The following GRIA4 variants were observed in gnomAD, a reference collection of about 807,000 sequenced individuals.
GRIA4 encodes glutamate receptor 4.
In GRIA4, 34 loss-of-function variants were observed where a neutral mutation model predicts 104.0. That is an observed-to-expected ratio of 0.33 (90% CI 0.25 to 0.44). The LOEUF (loss-of-function observed/expected upper bound fraction) is 0.44. Among genes scored for constraint, GRIA4 ranks in the 20% least tolerant of loss-of-function variants. The pLI is 1.00. For missense variants in GRIA4, 750 were observed against 1,096.5 expected (o/e 0.68, Z 4.46); for synonymous variants, 386 against 381.9 (o/e 1.01, Z -0.13).
At chr11:105,804,800 T>A (rs974020304) in intron 4 of GRIA4, among the ~76,000 whole-genome samples, 1 of 152,016 alleles carries the variant, frequency 6.6e-6, no homozygotes, top group Non-Finnish European at 1.5e-5. Context: ...AAACTATTTC[T>A]GTATGAAAGC....
chr11:105,878,326 GCTCTC>G (rs1376195420), intron 5 of GRIA4, among the ~76,000 whole-genome samples: 1 of 152,178 alleles, frequency 6.6e-6, no homozygotes, highest in Non-Finnish European at 1.5e-5. Context: ...GCCAACTGGA[GCTCTC>G]CTGTATGAGG....
At chr11:105,620,693 A>C (rs1189550561) in intron 3 of GRIA4, among the ~76,000 whole-genome samples, 2 of 151,860 alleles carry the variant, frequency 1.3e-5, no homozygotes, top group African/African-American at 4.8e-5. Flanking sequence ...TTATATTGCC[A>C]AATTCATGTC....
intron 4 of GRIA4, among the ~76,000 whole-genome samples, chr11:105,787,892 T>A (rs1217880227): frequency 6.6e-6 from 1 of 152,142 alleles, no homozygotes; most frequent in East Asian, 1.9e-4. Flanking sequence ...TTTGTTTTAT[T>A]AGCATTACTA....
rs111858372 is a variant in GRIA4 at position 105,949,322 on chromosome 11, G to A, written c.2294+15353G>A. 6.5e-3 allele frequency among the ~76,000 whole-genome samples: 988 copies of A among 152,210 alleles called. 9 individuals are homozygous for A. The highest frequency in any genetic ancestry group is 0.022 in the African/African-American group (923 of 41,526). ...TGCCTTAGTTGAAGGATTCCCTTTC[G>A]TTTGCCCAGAACACTATTCTTTTAT... On this transcript the variant is annotated intron_variant, in intron 14 of 16. Transcript: ENST00000282499.
intron 14 of GRIA4, among the ~76,000 whole-genome samples, chr11:105,962,593 G>A (rs969298755): frequency 9.9e-5 from 15 of 152,146 alleles, no homozygotes; most frequent in African/African-American, 3.1e-4. Flanking sequence ...TTCTAGGCCC[G>A]AATCAAATTC....
chr11:105,750,841 A>G (rs1041208960), intron 3 of GRIA4, among the ~76,000 whole-genome samples: 1 of 152,116 alleles, frequency 6.6e-6, no homozygotes, highest in Non-Finnish European at 1.5e-5. Context: ...GAAGGATACC[A>G]AGAAAAGGAG....
intron 4 of GRIA4, among the ~76,000 whole-genome samples, chr11:105,799,615 T>C (rs1347493445): frequency 6.6e-6 from 1 of 152,062 alleles, no homozygotes; most frequent in African/African-American, 2.4e-5. Context: ...TATTATTATA[T>C]TACTATTTTA....
intron 14 of GRIA4, among the ~76,000 whole-genome samples, chr11:105,945,693 T>C (rs1444873012): frequency 1.3e-5 from 2 of 152,138 alleles, no homozygotes; most frequent in African/African-American, 2.4e-5. Flanking sequence ...CAGGAAAAAA[T>C]AAAAACTTTC....
At chr11:105,935,521 T>C (rs1259206864) in intron 14 of GRIA4, among the ~76,000 whole-genome samples, 2 of 152,168 alleles carry the variant, frequency 1.3e-5, no homozygotes, top group Admixed American at 1.3e-4. Context: ...TGAGGCCAAG[T>C]AGTAAATAAA....
At chr11:105,791,626 C>G (rs1565238923) in intron 4 of GRIA4, among the ~76,000 whole-genome samples, 1 of 152,098 alleles carries the variant, frequency 6.6e-6, no homozygotes, top group Non-Finnish European at 1.5e-5. Context: ...GAACATGTAT[C>G]TGCACAAAAA....
chr11:105,918,992 T>G, intron 11 of GRIA4, 74 bp downstream of exon 11: 1 of 858,374 alleles, frequency 1.2e-6, no homozygotes, highest in Non-Finnish European at 2.0e-6. Flanking sequence ...ACATAACAAT[T>G]TTTAAACGTC....
intron 3 of GRIA4, among the ~76,000 whole-genome samples, chr11:105,663,423 A>T (rs1333138718): frequency 1.3e-5 from 2 of 151,968 alleles, no homozygotes; most frequent in African/African-American, 4.8e-5. Flanking sequence ...AGTAAGGCAC[A>T]GTCATTACTC....
intron 4 of GRIA4, among the ~76,000 whole-genome samples, chr11:105,851,789 C>G (rs1944820763): frequency 6.6e-6 from 1 of 152,290 alleles, no homozygotes; most frequent in East Asian, 1.9e-4. Context: ...TGTCACCACT[C>G]CTGGTCATTT....
intron 4 of GRIA4, among the ~76,000 whole-genome samples, chr11:105,807,967 C>T (rs1426888283): frequency 6.6e-6 from 1 of 151,784 alleles, no homozygotes; most frequent in Non-Finnish European, 1.5e-5. Flanking sequence ...ATTTGATCTA[C>T]TTCAATTTTC....
chr11:105,631,786 G>A (rs1387763449), intron 3 of GRIA4, among the ~76,000 whole-genome samples: 2 of 152,204 alleles, frequency 1.3e-5, no homozygotes, highest in Non-Finnish European at 2.9e-5. Context: ...ATAAGTATGT[G>A]TTAAATCAGA....
chr11:105,960,715 A>G (rs190221867), intron 14 of GRIA4, among the ~76,000 whole-genome samples: 2 of 152,324 alleles, frequency 1.3e-5, no homozygotes, highest in Admixed American at 1.3e-4. Flanking sequence ...GGCTGTAAGA[A>G]TCTGCATGTT....
intron 3 of GRIA4, among the ~76,000 whole-genome samples, chr11:105,675,060 C>T (rs1418829392): frequency 6.6e-6 from 1 of 151,808 alleles, no homozygotes; most frequent in Non-Finnish European, 1.5e-5. Flanking sequence ...TAGTAGCTGA[C>T]AGGCAGAGGG....
At chr11:105,622,025 C>T (rs919658081) in intron 3 of GRIA4, among the ~76,000 whole-genome samples, 5 of 151,508 alleles carry the variant, frequency 3.3e-5, no homozygotes, top group East Asian at 1.9e-4. Context: ...TTTTCTTTCT[C>T]GGTTGTGAGA....
At chr11:105,627,018 A>C (rs1170079139) in intron 3 of GRIA4, among the ~76,000 whole-genome samples, 2 of 152,158 alleles carry the variant, frequency 1.3e-5, no homozygotes, top group Non-Finnish European at 2.9e-5. Flanking sequence ...GATATTTGGA[A>C]ATTCTAGTAA....
Sources: allele counts gnomAD v4.1 joint callset (sites outside exome capture counted in the v4.1 genomes callset), GRCh38; gene constraint gnomAD v4.1.1; transcripts MANE v1.5; gene names NCBI Gene and HGNC (gene_info 2026-07-23, HGNC 2026-07-21).